RASAL2: variants seen among roughly 807,000 people sequenced by gnomAD.
RASAL2 encodes RAS protein activator like 2.
RASAL2 carries 58 observed loss-of-function variants against 128.9 expected under a neutral mutation model. That is an observed-to-expected ratio of 0.45 (90% CI 0.36 to 0.56). The LOEUF (loss-of-function observed/expected upper bound fraction) is 0.56, where lower values mean the gene tolerates loss of function less well. RASAL2 is among the 20% of genes least tolerant of loss of function. The pLI, the probability that RASAL2 is intolerant of heterozygous loss-of-function variation, is 0.00. For synonymous variants in RASAL2, 561 were observed against 580.8 expected (o/e 0.97, Z 0.49); for missense variants, 1,360 against 1,601.6 (o/e 0.85, Z 2.57).
At chr1:178,370,082 T>G (rs916830897) in intron 3 of RASAL2, among the ~76,000 whole-genome samples, 2 of 152,188 alleles carry the variant, frequency 1.3e-5, no homozygotes, top group African/African-American at 4.8e-5. Context: ...GCAAAAATCT[T>G]TGAGCTTCTA....
At chr1:178,410,874 A>T (rs1010499052) in intron 4 of RASAL2, among the ~76,000 whole-genome samples, 4 of 152,130 alleles carry the variant, frequency 2.6e-5, no homozygotes, top group Non-Finnish European at 5.9e-5. Flanking sequence ...AAAATAACAG[A>T]TGGTGACATG....
intron 3 of RASAL2, among the ~76,000 whole-genome samples, chr1:178,341,050 A>G (rs1231668464): frequency 6.6e-6 from 1 of 152,188 alleles, no homozygotes; most frequent in Non-Finnish European, 1.5e-5. Flanking sequence ...AGTAATGTAT[A>G]TGTGTTAACA....
intron 1 of RASAL2, among the ~76,000 whole-genome samples, chr1:178,256,681 T>A (rs4269736): frequency 0.02 from 3,106 of 152,330 alleles, 54 homozygotes; most frequent in East Asian, 0.088. Flanking sequence ...TCAGTGTTTT[T>A]GTTTTTGTTT....
intron 1 of RASAL2, among the ~76,000 whole-genome samples, chr1:178,221,047 A>C (rs977306181): frequency 6.6e-6 from 1 of 152,212 alleles, no homozygotes; most frequent in African/African-American, 2.4e-5. Flanking sequence ...CCAGCAGTGC[A>C]TGAGAGTTCC....
chr1:178,150,957 A>G (rs1660894045), intron 1 of RASAL2, among the ~76,000 whole-genome samples: 2 of 152,236 alleles, frequency 1.3e-5, no homozygotes, highest in Admixed American at 6.5e-5. Context: ...GGTTGTTTAA[A>G]TGGTGCCATA....
At chr1:178,317,708 G>A (rs1220990745) in intron 3 of RASAL2, among the ~76,000 whole-genome samples, 48 of 146,830 alleles carry the variant, frequency 3.3e-4, no homozygotes, top group Middle Eastern at 3.5e-3. Context: ...TCTTGCTAGC[G>A]GTCTATCAAT....
At chr1:178,203,513 G>A (rs995787424) in intron 1 of RASAL2, among the ~76,000 whole-genome samples, 6 of 152,156 alleles carry the variant, frequency 3.9e-5, no homozygotes, top group Non-Finnish European at 7.4e-5. Flanking sequence ...GGATGGAAAA[G>A]TGGCACCATT....
intron 3 of RASAL2, among the ~76,000 whole-genome samples, chr1:178,383,051 A>T (rs1456854975): frequency 6.6e-6 from 1 of 152,118 alleles, no homozygotes; most frequent in Non-Finnish European, 1.5e-5. Context: ...TGGCTGGGGA[A>T]AAAAATTGTT....
intron 5 of RASAL2, among the ~76,000 whole-genome samples, chr1:178,434,072 A>G (rs1676100507): frequency 6.6e-6 from 1 of 152,126 alleles, no homozygotes; most frequent in Non-Finnish European, 1.5e-5. Flanking sequence ...TCTTACTGGT[A>G]TGTTACTTGA....
At chr1:178,359,739 C>T (rs1671008785) in intron 3 of RASAL2, among the ~76,000 whole-genome samples, 1 of 152,146 alleles carries the variant, frequency 6.6e-6, no homozygotes, top group African/African-American at 2.4e-5. Context: ...ATGGTGAACT[C>T]TGATTTTGTT....
intron 2 of RASAL2, among the ~76,000 whole-genome samples, chr1:178,297,770 G>A (rs1280584985): frequency 6.6e-6 from 1 of 152,028 alleles, no homozygotes; most frequent in African/African-American, 2.4e-5. Context: ...GAAATAAAGA[G>A]TCTACATTAA....
chr1:178,475,200 G>C lies in RASAL2; in HGVS notation c.*1961G>C, dbSNP rs1201747052. 6.6e-6 allele frequency: 1 copy of C among 152,176 alleles called. No individual in the cohort carries two copies. The highest frequency in any genetic ancestry group is 2.4e-5 in the African/African-American group (1 of 41,428). 9.4% of individuals were successfully genotyped at this position (152,176 alleles called of 1,614,324 possible). The stretch of plus-strand genomic sequence containing the variant: ...TAGCAATCCCTGTTTCTGCCAGACA[G>C]ATCTAAAATGGGAGTTTCTCACTGT... On this transcript the variant is annotated 3_prime_UTR_variant, in exon 18 of 18. Transcript: ENST00000367649.
At chr1:178,239,263 A>G (rs1664390073) in intron 1 of RASAL2, among the ~76,000 whole-genome samples, 1 of 152,084 alleles carries the variant, frequency 6.6e-6, no homozygotes, top group South Asian at 2.1e-4. Flanking sequence ...TTTGAAAGCT[A>G]TGTGTGTGGT....
intron 1 of RASAL2, among the ~76,000 whole-genome samples, chr1:178,169,427 A>G (rs1420732556): frequency 6.6e-6 from 1 of 152,126 alleles, no homozygotes; most frequent in Non-Finnish European, 1.5e-5. Flanking sequence ...AACTGGCTTC[A>G]TTTACTCAGA....
At chr1:178,338,302 G>A (rs771431792) in intron 3 of RASAL2, among the ~76,000 whole-genome samples, 31 of 151,688 alleles carry the variant, frequency 2.0e-4, no homozygotes, top group Admixed American at 6.6e-4. Flanking sequence ...GCTAATTTTT[G>A]TATTTTTAAT....
intron 1 of RASAL2, among the ~76,000 whole-genome samples, chr1:178,228,530 C>T (rs754768055): frequency 2.0e-5 from 3 of 152,132 alleles, no homozygotes; most frequent in Non-Finnish European, 2.9e-5. Flanking sequence ...TGCAATGAGC[C>T]AAGCGTGCCA....
At position 178,140,657 on chromosome 1, in the gene RASAL2, T is replaced by A. The variant is rs554627182; in HGVS notation, c.202+45963T>A. 2.0e-4 allele frequency among the ~76,000 whole-genome samples: 30 copies of A among 152,302 alleles called. No homozygotes were observed. In the South Asian group the frequency reaches 5.8e-3, roughly 29 times the overall value. On this transcript the variant is annotated intron_variant, in intron 1 of 17. Transcript: ENST00000367649. ...ACTTTTTGTGGCTTGATAGCTCATTTAAAAAAACCAGTGAATCTCCATTGT... is the reference window on the plus strand; with the variant it reads ...ACTTTTTGTGGCTTGATAGCTCATTAAAAAAAACCAGTGAATCTCCATTGT...
intron 4 of RASAL2, among the ~76,000 whole-genome samples, chr1:178,397,036 T>C (rs913731045): frequency 1.3e-5 from 2 of 152,082 alleles, no homozygotes; most frequent in African/African-American, 2.4e-5. Flanking sequence ...TGTGGAGAAA[T>C]TGGAATGTAA....
intron 5 of RASAL2, among the ~76,000 whole-genome samples, chr1:178,434,413 T>C (rs1425154303): frequency 1.3e-5 from 2 of 152,170 alleles, no homozygotes; most frequent in Non-Finnish European, 2.9e-5. Flanking sequence ...TCTATGCTGA[T>C]ACATTTCTTT....
Sources: allele counts gnomAD v4.1 joint callset (sites outside exome capture counted in the v4.1 genomes callset), GRCh38; gene constraint gnomAD v4.1.1; transcripts MANE v1.5; gene names NCBI Gene and HGNC (gene_info 2026-07-23, HGNC 2026-07-21).